The following PCNX2 variants were observed in gnomAD, a reference collection of about 807,000 sequenced individuals.
PCNX2 encodes pecanex 2.
Under a neutral mutation model 223.8 loss-of-function variants are expected in PCNX2, and 168 were observed. The ratio of observed to expected loss-of-function variants is 0.75; its 90% confidence interval spans 0.66 to 0.85. PCNX2 has a LOEUF of 0.85. Among genes scored for constraint, PCNX2 ranks in the 40% least tolerant of loss-of-function variants. The pLI is 0.00. For synonymous variants in PCNX2, 1,006 were observed against 1,052.6 expected (o/e 0.96, Z 0.86); for missense variants, 2,507 against 2,675.5 (o/e 0.94, Z 1.39).
intron 9 of PCNX2, among the ~76,000 whole-genome samples, chr1:233,234,087 C>T (rs1308832632): frequency 6.6e-6 from 1 of 152,254 alleles, no homozygotes; most frequent in East Asian, 1.9e-4. Flanking sequence ...AATTGGTTGA[C>T]TGGCTGTTAA....
chr1:233,086,887 G>T, intron 23 of PCNX2: 1 of 419,766 alleles, frequency 2.4e-6, no homozygotes, highest in Non-Finnish European at 3.2e-6. Context: ...AGCCACTGCA[G>T]GCTTTTGAGG....
intron 25 of PCNX2, among the ~76,000 whole-genome samples, chr1:233,045,373 T>A (rs1301768522): frequency 6.6e-6 from 1 of 152,224 alleles, no homozygotes; most frequent in Non-Finnish European, 1.5e-5. Flanking sequence ...AGGAAATACG[T>A]GGAGCTTCTA....
chr1:233,225,286 C>A (rs1657640702), intron 10 of PCNX2, among the ~76,000 whole-genome samples: 1 of 151,856 alleles, frequency 6.6e-6, no homozygotes, highest in Admixed American at 6.6e-5. Context: ...ATAATAGGAG[C>A]AACTAATATT....
At chr1:233,014,064 G>C (rs1294205817) in intron 28 of PCNX2, among the ~76,000 whole-genome samples, 1 of 152,172 alleles carries the variant, frequency 6.6e-6, no homozygotes, top group Non-Finnish European at 1.5e-5. Context: ...TGTTTCTTTG[G>C]TGGACAACAT....
At position 232,999,162 on chromosome 1, in the gene PCNX2, C is replaced by A; in HGVS notation, c.5546G>T (p.Trp1849Leu). Residue 1849 changes from tryptophan (W) to leucine (L), a missense_variant, in exon 31 of 34, where the codon TGG (tryptophan) becomes TTG (leucine). By Grantham distance (61) the Trp-to-Leu change is moderately conservative. This residue lies in a region of PCNX2 where 1,372 missense variants were observed against 1,509.4 expected (regional missense o/e 0.91). Coordinates refer to ENST00000258229, the MANE Select transcript of PCNX2 (RefSeq NM_014801.4). ...TCTGTCCAAAGTGATGGGTCCACCCCAGATGTTCTTCAGCTGCCTGTGTGT... is the reference window on the plus strand; with the variant it reads ...TCTGTCCAAAGTGATGGGTCCACCCAAGATGTTCTTCAGCTGCCTGTGTGT... ...LGTHRQLKNI[W>L]GGPITLDRIR... 6.2e-7 allele frequency: 1 copy of A among 1,613,918 alleles called. No homozygotes were observed. The highest frequency in any genetic ancestry group is 2.2e-5 in the East Asian group (1 of 44,876).
chr1:233,066,909 T>G (rs1480061416), intron 23 of PCNX2, among the ~76,000 whole-genome samples: 1 of 152,006 alleles, frequency 6.6e-6, no homozygotes, highest in East Asian at 1.9e-4. Flanking sequence ...GGTACCACTA[T>G]CCCTCCCATT....
chr1:233,084,327 G>A (rs1184101210), intron 23 of PCNX2, among the ~76,000 whole-genome samples: 1 of 152,202 alleles, frequency 6.6e-6, no homozygotes, highest in African/African-American at 2.4e-5. Flanking sequence ...CAGATGCAGA[G>A]TTGATACTTT....
the PCNX2 span, among the ~76,000 whole-genome samples, chr1:233,326,166 C>T: frequency 7.2e-5 from 11 of 152,286 alleles, no homozygotes; most frequent in South Asian, 2.1e-4. Flanking sequence ...ACACTTTATA[C>T]GCTACAGTAT....
At chr1:233,043,388 T>C (rs1671711224) in intron 25 of PCNX2, among the ~76,000 whole-genome samples, 1 of 152,204 alleles carries the variant, frequency 6.6e-6, no homozygotes, top group Non-Finnish European at 1.5e-5. Flanking sequence ...GCATTATCTA[T>C]TAATTTGGCT....
At chr1:233,044,230 C>T (rs1671747471) in intron 25 of PCNX2, among the ~76,000 whole-genome samples, 1 of 152,076 alleles carries the variant, frequency 6.6e-6, no homozygotes, top group Non-Finnish European at 1.5e-5. Flanking sequence ...CTGTTCATGT[C>T]CTTCGCCCAC....
At chr1:233,092,955 T>A (rs537845266) in intron 22 of PCNX2, among the ~76,000 whole-genome samples, 11 of 152,062 alleles carry the variant, frequency 7.2e-5, no homozygotes, top group Admixed American at 2.6e-4. Context: ...CCCACTACCA[T>A]GCCCGGCTAA....
chr1:233,025,597 CA>C lies in PCNX2; in HGVS notation c.4352-199del, dbSNP rs1671056369. 8 of 649,662 alleles carry C rather than the reference CA, an allele frequency of 1.2e-5. No individual in the cohort carries two copies. The South Asian group carries it at 1.7e-4, about 14-fold the overall frequency. 40.2% of individuals were successfully genotyped at this position (649,662 alleles called of 1,614,324 possible). The stretch of plus-strand genomic sequence containing the variant: ...ATGAACTCTTTTATTCACTCACATT[CA>C]GTCTGAGTCTCTGTAGAAAATATAT... On this transcript the variant is annotated intron_variant, in intron 25 of 33. Transcript: ENST00000258229.
chr1:233,014,404 T>C (rs1211354980), intron 28 of PCNX2, among the ~76,000 whole-genome samples: 1 of 152,178 alleles, frequency 6.6e-6, no homozygotes, highest in Non-Finnish European at 1.5e-5. Flanking sequence ...CAAGGACTTC[T>C]GTAACACAGA....
At chr1:233,223,789 G>A (rs1419031538) in intron 10 of PCNX2, among the ~76,000 whole-genome samples, 1 of 152,184 alleles carries the variant, frequency 6.6e-6, no homozygotes, top group Non-Finnish European at 1.5e-5. Flanking sequence ...AGAGCTATAA[G>A]TGTGTGTTCT....
At chr1:233,090,248 T>C in intron 22 of PCNX2, 58 bp from the exon 23 acceptor site, 1 of 1,567,668 alleles carries the variant, frequency 6.4e-7, no homozygotes, top group Non-Finnish European at 8.6e-7. Context: ...TTTTAAAACA[T>C]TATTTCAAAT....
chr1:233,242,714 C>G (rs1194423233), intron 8 of PCNX2, among the ~76,000 whole-genome samples: 2 of 152,344 alleles, frequency 1.3e-5, no homozygotes. Flanking sequence ...AACAAACCCT[C>G]TGCACTCAAA....
chr1:233,027,340 C>T (rs1464438273), intron 25 of PCNX2, among the ~76,000 whole-genome samples: 2 of 152,080 alleles, frequency 1.3e-5, no homozygotes, highest in African/African-American at 4.8e-5. Context: ...AAAGCAGAGA[C>T]GGTGAATGTA....
At chr1:233,262,891 A>C in intron 2 of PCNX2, 67 bp downstream of exon 2, 2 of 1,508,620 alleles carry the variant, frequency 1.3e-6, no homozygotes, top group East Asian at 2.3e-5. Context: ...AACACTGATA[A>C]AAAACTTATT....
chr1:233,241,560 G>A (rs547287791), intron 8 of PCNX2, among the ~76,000 whole-genome samples: 17 of 152,150 alleles, frequency 1.1e-4, no homozygotes, highest in Non-Finnish European at 2.4e-4. Flanking sequence ...GTAGACCCAG[G>A]TGATCATCTG....
Sources: gnomAD v4.1 joint callset for allele counts (sites outside exome capture counted in the v4.1 genomes callset) on GRCh38, gnomAD v4.1.1 for gene constraint, gnomAD v4.1.1 regional missense constraint, MANE v1.5 for transcripts, NCBI Gene and HGNC (gene_info 2026-07-23, HGNC 2026-07-21) for gene names.